Variants in PKNOX1 observed in about 807,000 individuals in gnomAD.
PKNOX1 encodes the protein PBX/knotted 1 homeobox 1.
Under a neutral mutation model 51.9 loss-of-function variants are expected in PKNOX1, and 15 were observed. That is an observed-to-expected ratio of 0.29 (90% confidence interval 0.19 to 0.45). PKNOX1 has a LOEUF of 0.45. PKNOX1 is among the 20% of genes least tolerant of loss of function. PKNOX1 has a pLI of 1.00. For synonymous variants in PKNOX1, 219 were observed against 211.1 expected, an observed-to-expected ratio of 1.04 and a Z score of -0.32; for missense variants, 462 against 547.5, an observed-to-expected ratio of 0.84 and a Z score of 1.56.
At chr21:43,027,794 T>TA (rs1218013576) in intron 9 of PKNOX1, among the ~76,000 whole-genome samples, 2 of 152,162 alleles carry the variant, frequency 1.3e-5, no homozygotes, top group African/African-American at 4.8e-5. Context: ...TGGGCGCCTA[T>TA]AGTCCCACCT....
At position 43,031,978 on chromosome 21, in the gene PKNOX1, T is replaced by C. The variant is rs975358396; in HGVS notation, c.*1877T>C. ...TTATGTTCAAGCAATTCTCCTTCCT[T>C]AGCCTCCTGAGTAGCTGGGATTACA... On this transcript the variant is annotated 3_prime_UTR_variant, in exon 11 of 11. Coordinates refer to ENST00000291547, the MANE Select transcript of PKNOX1 (RefSeq NM_004571.5). 7.9e-5 allele frequency: 26 copies of C among 330,430 alleles called. No individual in the cohort carries two copies. Among genetic ancestry groups the C allele is most frequent in the Non-Finnish European group, 1.3e-4 (22 of 163,966 alleles). The allele number at this position is 330,430 out of a possible 1,614,324, so 20.5% of individuals were successfully genotyped here. A position where few individuals can be genotyped will look rare whatever the true frequency, so the allele number is the denominator to read the frequency against.
chr21:42,993,253 C>A (rs963986724), intron 1 of PKNOX1, among the ~76,000 whole-genome samples: 1 of 152,180 alleles, frequency 6.6e-6, no homozygotes, highest in Admixed American at 6.5e-5. Flanking sequence ...CCCTTTCCTC[C>A]CCTCACGAAG....
At chr21:42,981,515 G>A (rs911322027) in intron 1 of PKNOX1, among the ~76,000 whole-genome samples, 1 of 152,180 alleles carries the variant, frequency 6.6e-6, no homozygotes, top group Non-Finnish European at 1.5e-5. Context: ...ACTTGAGAAG[G>A]GGACAGAGCA....
At chr21:43,000,616 A>C (rs1204807424) in intron 1 of PKNOX1, among the ~76,000 whole-genome samples, 1 of 152,120 alleles carries the variant, frequency 6.6e-6, no homozygotes, top group African/African-American at 2.4e-5. Context: ...ACACAGCTAA[A>C]CCATATCACA....
chr21:43,007,520 A>G lies in PKNOX1; in HGVS notation c.81A>G (p.Glu27=). The G allele has an allele frequency of 6.2e-7, 1 of 1,613,972 alleles. No individual in the cohort carries two copies. Among genetic ancestry groups the G allele is most frequent in the Non-Finnish European group, 8.5e-7 (1 of 1,179,836 alleles). Residue 27 remains glutamate (E), a synonymous_variant, in exon 3 of 11, where the codon GAA becomes GAG. Transcript: ENST00000291547. Reference sequence around the variant, plus strand: ...AAGTAGTAACAGAGTTAAAGACAGAACAAGATCCAAACTGCTCTGAACCCG... The same window carrying G: ...AAGTAGTAACAGAGTTAAAGACAGAGCAAGATCCAAACTGCTCTGAACCCG... ...QMQVVTELKT[E]QDPNCSEPDA...
In PKNOX1 at chr21:43,032,311, T is replaced by C. The variant is rs376936054; in HGVS notation, c.*2210T>C. On this transcript the variant is annotated 3_prime_UTR_variant, in exon 11 of 11. Transcript: ENST00000291547. ...CCCATGAAAGCCAGCCAGCCCTTCC[T>C]CCTTCCCTCACCACCCTCCGTCTCT... The C allele has an allele frequency of 4.6e-5, 20 of 434,360 alleles. No homozygotes were observed. The highest frequency in any genetic ancestry group is 1.6e-4 in the South Asian group (10 of 61,798). The allele number at this position is 434,360 out of a possible 1,614,324, so 26.9% of individuals were successfully genotyped here.
At chr21:43,003,330 G>A (rs764440814) in intron 1 of PKNOX1, among the ~76,000 whole-genome samples, 3 of 152,218 alleles carry the variant, frequency 2.0e-5, no homozygotes, top group Non-Finnish European at 2.9e-5. Flanking sequence ...TGCTGGTTGC[G>A]TTCCTGCTCC....
chr21:42,986,776 C>T (rs1356806656), intron 1 of PKNOX1, among the ~76,000 whole-genome samples: 1 of 152,174 alleles, frequency 6.6e-6, no homozygotes, highest in Non-Finnish European at 1.5e-5. Context: ...GAGATGCAGT[C>T]TCTGGATCTG....
At chr21:42,987,079 G>A (rs2059055755) in intron 1 of PKNOX1, among the ~76,000 whole-genome samples, 1 of 151,838 alleles carries the variant, frequency 6.6e-6, no homozygotes, top group Admixed American at 6.6e-5. Context: ...CATTTTAGGT[G>A]GATTTAAAGA....
At chr21:43,018,285 C>A in intron 7 of PKNOX1, 55 bp downstream of exon 7, 2 of 1,104,646 alleles carry the variant, frequency 1.8e-6, no homozygotes, top group South Asian at 1.2e-5. Flanking sequence ...CACATAGGGG[C>A]ACAGGTAGAA....
At chr21:42,988,821 G>A (rs982117956) in intron 1 of PKNOX1, among the ~76,000 whole-genome samples, 1 of 152,174 alleles carries the variant, frequency 6.6e-6, no homozygotes, top group African/African-American at 2.4e-5. Flanking sequence ...ACTGGTTAGG[G>A]TCTACAGGCT....
intron 3 of PKNOX1, among the ~76,000 whole-genome samples, chr21:43,007,912 A>C (rs960900020): frequency 1.3e-5 from 2 of 151,896 alleles, no homozygotes; most frequent in Non-Finnish European, 1.5e-5. Flanking sequence ...AAAAATACAA[A>C]AATTAGCCAG....
chr21:43,027,281 A>C (rs1303159816), intron 9 of PKNOX1, among the ~76,000 whole-genome samples: 1 of 152,172 alleles, frequency 6.6e-6, no homozygotes, highest in Non-Finnish European at 1.5e-5. Flanking sequence ...GTAATGCATG[A>C]ATCTGGACGG....
chr21:43,030,234 C>T lies in PKNOX1; in HGVS notation c.*133C>T. 1.4e-6 allele frequency: 1 copy of T among 694,652 alleles called. No individual in the cohort carries two copies. Among genetic ancestry groups the T allele is most frequent in the South Asian group, 2.3e-5 (1 of 44,422 alleles). 43.0% of individuals were successfully genotyped at this position (694,652 alleles called of 1,614,324 possible). ...ATTTCATAGTAAGCTTAAAGCGCGT[C>T]TTTGCCGGTGCAGCGACTTCTTTCA... On this transcript the variant is annotated 3_prime_UTR_variant, in exon 11 of 11. Coordinates refer to ENST00000291547, the MANE Select transcript of PKNOX1 (RefSeq NM_004571.5).
At chr21:43,005,159 G>A (rs1257033564) in intron 2 of PKNOX1, among the ~76,000 whole-genome samples, 1 of 152,234 alleles carries the variant, frequency 6.6e-6, no homozygotes, top group Non-Finnish European at 1.5e-5. Flanking sequence ...TGACTCTGGA[G>A]CCAGTGAAGG....
At chr21:42,983,688 T>TAA (rs1303425605) in intron 1 of PKNOX1, among the ~76,000 whole-genome samples, 1 of 152,212 alleles carries the variant, frequency 6.6e-6, no homozygotes, top group Non-Finnish European at 1.5e-5. Flanking sequence ...ATTCTGTTTT[T>TAA]AATTTTTTAG....
At chr21:43,016,884 C>G in intron 5 of PKNOX1, 24 bp from the exon 6 acceptor site, 1 of 1,490,888 alleles carries the variant, frequency 6.7e-7, no homozygotes, top group Non-Finnish European at 9.3e-7. Flanking sequence ...GTAATTCCTT[C>G]AACATGTGTG....
chr21:42,988,265 G>A (rs1392835390), intron 1 of PKNOX1, among the ~76,000 whole-genome samples: 2 of 151,856 alleles, frequency 1.3e-5, no homozygotes, highest in Admixed American at 1.3e-4. Flanking sequence ...TGGCCAGGCT[G>A]GTCTCAAACT....
intron 5 of PKNOX1, among the ~76,000 whole-genome samples, chr21:43,014,084 C>T (rs1271576803): frequency 3.5e-5 from 5 of 144,864 alleles, no homozygotes; most frequent in African/African-American, 5.2e-5. Flanking sequence ...TGCAGTGGCG[C>T]GATCTCGGCT....
Sources: allele counts gnomAD v4.1 joint callset (sites outside exome capture counted in the v4.1 genomes callset), GRCh38; gene constraint gnomAD v4.1.1; transcripts MANE v1.5; gene names NCBI Gene and HGNC (gene_info 2026-07-23, HGNC 2026-07-21).